SWAP70: variants seen among roughly 807,000 people sequenced by gnomAD.
SWAP70 encodes the protein switching B cell complex subunit SWAP70.
In SWAP70, 34 loss-of-function variants were observed where a neutral mutation model predicts 80.2. That is an observed-to-expected ratio of 0.42 (90% CI 0.32 to 0.56). SWAP70 has a LOEUF of 0.56. Among genes scored for constraint, SWAP70 ranks in the 20% least tolerant of loss-of-function variants. The pLI is 0.09. For synonymous variants in SWAP70, 239 were observed against 238.5 expected (o/e 1.00, Z -0.02); for missense variants, 578 against 690.7 (o/e 0.84, Z 1.83).
intron 1 of SWAP70, among the ~76,000 whole-genome samples, chr11:9,667,351 A>C (rs1246753939): frequency 6.6e-6 from 1 of 151,852 alleles, no homozygotes; most frequent in African/African-American, 2.4e-5. Flanking sequence ...TCCTGGCTCA[A>C]GCGATCCTCC....
intron 4 of SWAP70, chr11:9,726,915 C>G (rs1007152386): frequency 2.4e-5 from 11 of 456,092 alleles, no homozygotes; most frequent in Admixed American, 9.4e-5. Flanking sequence ...TGGTCTGGGG[C>G]AGAGTTCCTC....
At position 9,751,196 on chromosome 11, in the gene SWAP70, T is replaced by G. The variant is rs1851585071; in HGVS notation, c.*1226T>G. The G allele has an allele frequency of 6.6e-6, 1 of 152,252 alleles. No homozygotes were observed. The highest frequency in any genetic ancestry group is 6.5e-5 in the Admixed American group (1 of 15,288). The allele number at this position is 152,252 out of a possible 1,614,324, so 9.4% of individuals were successfully genotyped here. A position where few individuals can be genotyped will look rare whatever the true frequency, so the allele number is the denominator to read the frequency against. Reference sequence around the variant, plus strand: ...TAAAGATGATAGCATGTCAATATATTAGCCTAGCCATTATGTTAGCCTTTG... The same window carrying G: ...TAAAGATGATAGCATGTCAATATATGAGCCTAGCCATTATGTTAGCCTTTG... On this transcript the variant is annotated 3_prime_UTR_variant, in exon 12 of 12. Transcript: ENST00000318950.
rs946400304 is a variant in SWAP70, at chr11:9,751,265, C to CA, written c.*1297dup. 5 of 152,156 alleles carry CA rather than the reference C, an allele frequency of 3.3e-5. No individual in the cohort carries two copies. Among genetic ancestry groups the CA allele is most frequent in the African/African-American group, 1.2e-4 (5 of 41,430 alleles). The allele number at this position is 152,156 out of a possible 1,614,324, so 9.4% of individuals were successfully genotyped here. ...TGCTTTTTCCCTTCCTCTGTGGTGA[C>CA]AACGGAGGAAATATCCAACAGAAAT... is the stretch of plus-strand genomic sequence containing the variant. On this transcript the variant is annotated 3_prime_UTR_variant, in exon 12 of 12. Transcript: ENST00000318950.
At chr11:9,734,644 A>T (rs922358755) in intron 7 of SWAP70, among the ~76,000 whole-genome samples, 2 of 152,038 alleles carry the variant, frequency 1.3e-5, no homozygotes, top group African/African-American at 2.4e-5. Context: ...TATTTAATTA[A>T]ATTTATTTAT....
At chr11:9,715,580 CATG>C (rs2133798290) in intron 3 of SWAP70, among the ~76,000 whole-genome samples, 1 of 152,326 alleles carries the variant, frequency 6.6e-6, no homozygotes, top group East Asian at 1.9e-4. Flanking sequence ...TACAGTTCCA[CATG>C]GCTGGGGAGG....
At chr11:9,676,940 A>G (rs1850509239) in intron 1 of SWAP70, among the ~76,000 whole-genome samples, 1 of 152,054 alleles carries the variant, frequency 6.6e-6, no homozygotes, top group Non-Finnish European at 1.5e-5. Context: ...GGCGTGAGCC[A>G]CTGTGCCTGG....
At chr11:9,710,901 C>G (rs1406616582) in intron 2 of SWAP70, among the ~76,000 whole-genome samples, 1 of 151,806 alleles carries the variant, frequency 6.6e-6, no homozygotes, top group East Asian at 1.9e-4. Context: ...CCAGGCTGGT[C>G]TCAAACTCCT....
intron 3 of SWAP70, chr11:9,720,388 CTACTAATAGGCGCT>C (rs2133801792): frequency 1.0e-6 from 1 of 985,380 alleles, no homozygotes; most frequent in Non-Finnish European, 1.2e-6. Context: ...GCTGAGTTTG[CTACTAATAGGCGCT>C]TTCTGAGTTA....
At chr11:9,699,518 A>G (rs2134453804) in intron 2 of SWAP70, among the ~76,000 whole-genome samples, 1 of 152,296 alleles carries the variant, frequency 6.6e-6, no homozygotes, top group Non-Finnish European at 1.5e-5. Flanking sequence ...ATAAAACTAT[A>G]GAACACAAAT....
Position 9,750,996 on chromosome 11 carries a change from C to T in SWAP70, c.*1026C>T, listed in dbSNP as rs1851582608. The T allele has an allele frequency of 6.6e-6, 1 of 152,236 alleles. No individual in the cohort carries two copies. Among genetic ancestry groups the T allele is most frequent in the Non-Finnish European group, 1.5e-5 (1 of 68,060 alleles). The allele number at this position is 152,236 out of a possible 1,614,324, so 9.4% of individuals were successfully genotyped here. A position where few individuals can be genotyped will look rare whatever the true frequency, so the allele number is the denominator to read the frequency against. The stretch of plus-strand genomic sequence containing the variant: ...TGTCAACCTAATTTTCTCTCGTACT[C>T]TCTCTAGTGAATGATGTGCTACCAA... On this transcript the variant is annotated 3_prime_UTR_variant, in exon 12 of 12. Transcript: ENST00000318950.
At chr11:9,711,671 A>T (rs969085330) in intron 2 of SWAP70, among the ~76,000 whole-genome samples, 3 of 152,090 alleles carry the variant, frequency 2.0e-5, no homozygotes, top group Admixed American at 2.0e-4. Context: ...CTCATGTTAT[A>T]CAGGCAGTGG....
Position 9,738,298 on chromosome 11 carries a change from C to A in SWAP70, c.1166C>A (p.Thr389Lys). The A allele has an allele frequency of 2.5e-6, 4 of 1,607,394 alleles. No homozygotes were observed. Among genetic ancestry groups the A allele is most frequent in the Non-Finnish European group, 3.4e-6 (4 of 1,176,934 alleles). Residue 389 changes from threonine (T) to lysine (K), a missense_variant, in exon 8 of 12, where the codon ACA becomes AAA. Coordinates refer to ENST00000318950, the MANE Select transcript of SWAP70 (RefSeq NM_015055.4). ...TQVELQARFS[T>K]ELEREKLIRQ... Reference sequence around the variant, plus strand: ...GTGGAACTTCAGGCCAGGTTCAGCACAGAGCTGGAAAGAGAGAAGCTTGTG... The same window carrying A: ...GTGGAACTTCAGGCCAGGTTCAGCAAAGAGCTGGAAAGAGAGAAGCTTGTG...
chr11:9,682,527 C>T (rs1355411159), intron 1 of SWAP70, among the ~76,000 whole-genome samples: 1 of 152,048 alleles, frequency 6.6e-6, no homozygotes, highest in Non-Finnish European at 1.5e-5. Context: ...AGAAAGAGAT[C>T]TATGAATCAT....
intron 1 of SWAP70, among the ~76,000 whole-genome samples, chr11:9,670,076 G>A (rs1025079571): frequency 2.0e-5 from 3 of 152,140 alleles, no homozygotes; most frequent in African/African-American, 4.8e-5. Context: ...GCAGTGAGCC[G>A]ATATCTCACC....
intron 6 of SWAP70, among the ~76,000 whole-genome samples, chr11:9,731,806 G>C (rs1238418472): frequency 1.3e-5 from 2 of 152,172 alleles, no homozygotes; most frequent in Non-Finnish European, 2.9e-5. Flanking sequence ...AGTTGCTAGT[G>C]GGGAGGGGAA....
intron 2 of SWAP70, among the ~76,000 whole-genome samples, chr11:9,696,242 C>T (rs543244729): frequency 6.6e-6 from 1 of 151,918 alleles, no homozygotes. Flanking sequence ...TCGGTTTTTC[C>T]CTTGGGTTGG....
At chr11:9,688,225 G>T (rs1590018126) in intron 1 of SWAP70, among the ~76,000 whole-genome samples, 3 of 152,326 alleles carry the variant, frequency 2.0e-5, no homozygotes, top group Admixed American at 6.5e-5. Context: ...TGGATTCTGG[G>T]CAGCATGCCA....
At chr11:9,729,519 G>A in intron 6 of SWAP70, 68 bp downstream of exon 6, 3 of 1,214,870 alleles carry the variant, frequency 2.5e-6, no homozygotes, top group South Asian at 2.6e-5. Flanking sequence ...TTTTTTCTGA[G>A]ACGGAGTCTT....
At chr11:9,698,359 C>T (rs537474267) in intron 2 of SWAP70, among the ~76,000 whole-genome samples, 2 of 151,708 alleles carry the variant, frequency 1.3e-5, no homozygotes, top group African/African-American at 4.8e-5. Context: ...CATTGGCCTC[C>T]CAAAGTTCTG....
Sources: gnomAD v4.1 joint callset for allele counts (sites outside exome capture counted in the v4.1 genomes callset) on GRCh38, gnomAD v4.1.1 for gene constraint, MANE v1.5 for transcripts, NCBI Gene and HGNC (gene_info 2026-07-23, HGNC 2026-07-21) for gene names.